SPATA18: variants seen among roughly 807,000 people sequenced by gnomAD.
SPATA18 encodes spermatogenesis associated 18, also known as mitochondria-eating protein.
SPATA18 carries 54 observed loss-of-function variants against 68.1 expected under a neutral mutation model. That is an observed-to-expected ratio of 0.79 (90% CI 0.64 to 0.99). SPATA18 has a LOEUF of 0.99. SPATA18 is among the 50% of genes least tolerant of loss of function. The pLI, the probability that SPATA18 is intolerant of heterozygous loss-of-function variation, is 0.00. For synonymous variants in SPATA18, 242 were observed against 244.8 expected (o/e 0.99, Z 0.11); for missense variants, 724 against 681.1 (o/e 1.06, Z -0.70).
chr4:52,051,883 C>A, intron 1 of SPATA18, 92 bp downstream of exon 1: 2 of 1,224,426 alleles, frequency 1.6e-6, no homozygotes, highest in Non-Finnish European at 2.4e-6. Context: ...AGTTGGTGGC[C>A]ACTTTGCAAA....
intron 5 of SPATA18, among the ~76,000 whole-genome samples, chr4:52,071,212 C>A (rs1459281186): frequency 9.9e-5 from 15 of 152,272 alleles, no homozygotes; most frequent in African/African-American, 3.6e-4. Flanking sequence ...TCTTCTTAAT[C>A]TTACCTTTTC....
intron 6 of SPATA18, among the ~76,000 whole-genome samples, chr4:52,074,377 C>T (rs1299874344): frequency 6.6e-6 from 1 of 152,128 alleles, no homozygotes; most frequent in Non-Finnish European, 1.5e-5. Flanking sequence ...GGAAAGGGGC[C>T]TCATGACAGT....
chr4:52,085,617 C>A (rs1008746943), intron 11 of SPATA18, among the ~76,000 whole-genome samples: 1 of 152,130 alleles, frequency 6.6e-6, no homozygotes, highest in Non-Finnish European at 1.5e-5. Flanking sequence ...AACTCTAGCA[C>A]TTTCAGAGGC....
chr4:52,083,476 A>C, intron 10 of SPATA18: 1 of 985,424 alleles, frequency 1.0e-6, no homozygotes, highest in African/African-American at 1.7e-5. Context: ...TTAGCTGGGC[A>C]TGGTGGCCCA....
rs1357432447 is a variant in SPATA18, at chr4:52,096,443, A to C, written c.*1556A>C. The C allele has an allele frequency of 3.3e-5, 5 of 152,126 alleles. No individual in the cohort carries two copies. Among genetic ancestry groups the C allele is most frequent in the African/African-American group, 1.2e-4 (5 of 41,428 alleles). The allele number at this position is 152,126 out of a possible 1,614,324, so 9.4% of individuals were successfully genotyped here. A position where few individuals can be genotyped will look rare whatever the true frequency, so the allele number is the denominator to read the frequency against. On this transcript the variant is annotated 3_prime_UTR_variant, in exon 13 of 13. Transcript: ENST00000295213. ...TGTTCCCTTTTATAACAAGTATTTT[A>C]TTCTGAATATGAAATGAAAATTAAA... is the stretch of plus-strand genomic sequence containing the variant.
chr4:52,056,301 G>A (rs146682799), intron 1 of SPATA18, among the ~76,000 whole-genome samples: 90 of 152,304 alleles, frequency 5.9e-4, no homozygotes, highest in African/African-American at 1.6e-3. Flanking sequence ...AAAGCATTGT[G>A]TTTGAGAGCT....
Position 52,076,968 on chromosome 4 carries a change from C to T in SPATA18, c.948C>T (p.Asp316=), listed in dbSNP as rs145203480. ...ATTCCTATTCCCAGGCCCGCCTGGA[C>T]GCGCAGTGCCTGCTGCGGCGCTGCA... ...FSDSYSQARL[D]AQCLLRRCID... The change falls in exon 7 of 13, where the codon GAC becomes GAT. Residue 316 remains aspartate, a synonymous_variant. Coordinates refer to ENST00000295213, the MANE Select transcript of SPATA18 (RefSeq NM_145263.4). 3.7e-6 allele frequency: 6 copies of T among 1,613,882 alleles called. No individual in the cohort carries two copies. In the African/African-American group the frequency reaches 4.0e-5, roughly 11 times the overall value.
At chr4:52,081,662 C>T (rs901763224) in intron 9 of SPATA18, among the ~76,000 whole-genome samples, 5 of 151,980 alleles carry the variant, frequency 3.3e-5, no homozygotes, top group African/African-American at 1.2e-4. Context: ...ACAACTGAAA[C>T]CTGCTGTATT....
At chr4:52,088,659 T>G (rs1314988277) in intron 11 of SPATA18, among the ~76,000 whole-genome samples, 1 of 152,192 alleles carries the variant, frequency 6.6e-6, no homozygotes, top group Non-Finnish European at 1.5e-5. Flanking sequence ...ATAAGCTTTT[T>G]GATGTGCTGC....
intron 1 of SPATA18, among the ~76,000 whole-genome samples, chr4:52,056,104 C>T (rs1738318612): frequency 6.6e-6 from 1 of 152,034 alleles, no homozygotes; most frequent in African/African-American, 2.4e-5. Flanking sequence ...TTACTCAGAC[C>T]ACTTCTGACA....
chr4:52,074,778 A>T (rs1439273683), intron 6 of SPATA18, among the ~76,000 whole-genome samples: 1 of 152,190 alleles, frequency 6.6e-6, no homozygotes, highest in Non-Finnish European at 1.5e-5. Context: ...TATAAGTATG[A>T]ATGGTGGGGG....
rs770594267 is a variant in SPATA18 at position 52,082,380 on chromosome 4, A to G, written c.1356-7A>G. 2.5e-6 allele frequency: 4 copies of G among 1,613,054 alleles called. No homozygotes were observed. Among genetic ancestry groups the G allele is most frequent in the East Asian group, 4.5e-5 (2 of 44,878 alleles). ...CTTCTCTTTCTTTTTTTGTATATTG[A>G]AAACAGATACCGCCGCAGCTACGAC... On this transcript the variant is annotated splice_region_variant and splice_polypyrimidine_tract_variant and intron_variant, in intron 9 of 12. Transcript: ENST00000295213.
At position 52,071,981 on chromosome 4, in the gene SPATA18, A is replaced by G; in HGVS notation, c.583A>G (p.Asn195Asp). The change falls in exon 6 of 13, where the codon AAT becomes GAT. Residue 195 changes from asparagine to aspartate, a missense_variant. Coordinates refer to ENST00000295213, the MANE Select transcript of SPATA18 (RefSeq NM_145263.4). ...AAACACAGATCAGAGGAGCTCAGAG[A>G]ATAGGCGGTCAGAGCCTTGGAGCTT... ...HRNTDQRSSE[N>D]RRSEPWSLEE... 1 of 1,614,004 alleles carries G rather than the reference A, an allele frequency of 6.2e-7. No individual in the cohort carries two copies. Among genetic ancestry groups the G allele is most frequent in the Non-Finnish European group, 8.5e-7 (1 of 1,180,040 alleles).
intron 9 of SPATA18, among the ~76,000 whole-genome samples, chr4:52,081,704 C>T (rs1035984900): frequency 3.9e-5 from 6 of 152,158 alleles, no homozygotes; most frequent in Non-Finnish European, 8.8e-5. Context: ...CATATATCTC[C>T]TCTATTTGTG....
chr4:52,082,390 C>G lies in SPATA18; in HGVS notation c.1359C>G (p.Tyr453Ter). ...TTTTTTTGTATATTGAAAACAGATA[C>G]CGCCGCAGCTACGACTCGGATTTCA... ...ADGEVFNDCK[Y>*]RRSYDSDFTA... is the part of the protein sequence containing the mutation. Residue 453 changes from tyrosine to a stop codon, truncating the protein, a stop_gained, in exon 10 of 13, where the codon TAC (tyrosine) becomes TAG (stop). Coordinates refer to ENST00000295213, the MANE Select transcript of SPATA18 (RefSeq NM_145263.4). LOFTEE classifies it high-confidence loss of function. 6.2e-7 allele frequency: 1 copy of G among 1,613,730 alleles called. No homozygotes were observed. The highest frequency in any genetic ancestry group is 8.5e-7 in the Non-Finnish European group (1 of 1,179,778).
In SPATA18 at chr4:52,084,963, TC is replaced by T; in HGVS notation, c.1530del (p.Ile511PhefsTer9). 1 of 1,614,028 alleles carries T rather than the reference TC, an allele frequency of 6.2e-7. No homozygotes were observed. The highest frequency in any genetic ancestry group is 8.5e-7 in the Non-Finnish European group (1 of 1,179,942). The part of the protein sequence containing the change: ...VSRCRSRSLS[P>X]ICPRSQIGLN... ...GTCGTTGTCGAAGCAGGAGTTTAAG[TC>T]CCATTTGCCCCCGTAGCCAAATTGG... On this transcript the variant is annotated frameshift_variant, in exon 11 of 13. Transcript: ENST00000295213. LOFTEE classifies it high-confidence loss of function.
chr4:52,083,119 A>T (rs1039969888), intron 10 of SPATA18: 1 of 985,250 alleles, frequency 1.0e-6, no homozygotes, highest in Non-Finnish European at 1.2e-6. Flanking sequence ...TAGGTACCGT[A>T]TGTGAGCATG....
chr4:52,082,410 A>T lies in SPATA18; in HGVS notation c.1379A>T (p.Asp460Val). The change falls in exon 10 of 13, where the codon GAT becomes GTT. Residue 460 changes from aspartate to valine, a missense_variant. Coordinates refer to ENST00000295213, the MANE Select transcript of SPATA18 (RefSeq NM_145263.4). ...AGATACCGCCGCAGCTACGACTCGG[A>T]TTTCACTGCTCCCTTAGTCCTCTAT... Reference protein sequence around the residue: ...DCKYRRSYDSDFTAPLVLYHV... With the variant: ...DCKYRRSYDSVFTAPLVLYHV... 6.2e-7 allele frequency: 1 copy of T among 1,613,986 alleles called. No individual in the cohort carries two copies. Among genetic ancestry groups the T allele is most frequent in the South Asian group, 1.1e-5 (1 of 91,058 alleles).
intron 4 of SPATA18, among the ~76,000 whole-genome samples, chr4:52,064,784 C>T (rs1017749889): frequency 6.6e-6 from 1 of 152,104 alleles, no homozygotes. Context: ...TTTCTTTGGG[C>T]AGGTATGCAG....
Sources: allele counts gnomAD v4.1 joint callset (sites outside exome capture counted in the v4.1 genomes callset), GRCh38; gene constraint gnomAD v4.1.1; transcripts MANE v1.5; gene names NCBI Gene and HGNC (gene_info 2026-07-23, HGNC 2026-07-21).